The following LPP variants were observed in gnomAD, a reference collection of about 807,000 sequenced individuals.
The protein encoded by LPP is LIM domain containing preferred translocation partner in lipoma.
Under a neutral mutation model 60.4 loss-of-function variants are expected in LPP, and 38 were observed. The ratio of observed to expected loss-of-function variants is 0.63; its 90% CI spans 0.49 to 0.83. The LOEUF is 0.83. Among genes scored for constraint, LPP ranks in the 40% least tolerant of loss-of-function variants. The pLI is 0.00. For synonymous variants in LPP, 328 were observed against 290.8 expected, an observed-to-expected ratio of 1.13 and a Z score of -1.30; for missense variants, 902 against 783.6, an observed-to-expected ratio of 1.15 and a Z score of -1.80.
chr3:188,247,605 C>T (rs1727446031), intron 2 of LPP, among the ~76,000 whole-genome samples: 1 of 151,856 alleles, frequency 6.6e-6, no homozygotes, highest in African/African-American at 2.4e-5. Context: ...TCAAGACCAG[C>T]CTGGTCAACA....
At chr3:188,457,671 T>C (rs9834301) in intron 4 of LPP, among the ~76,000 whole-genome samples, 128,221 of 150,642 alleles carry the variant, frequency 0.85, 56,089 homozygotes, top group East Asian at 0.99. Flanking sequence ...GGGGAGCAGA[T>C]CACGAGGTCA....
intron 1 of LPP, among the ~76,000 whole-genome samples, chr3:188,203,660 T>C (rs200591368): frequency 7.1e-6 from 1 of 139,892 alleles, no homozygotes; most frequent in Non-Finnish European, 1.5e-5. Context: ...TTTCTCTTTT[T>C]TGTAGAGAGA....
chr3:188,389,336 C>T (rs1779125445), intron 3 of LPP, among the ~76,000 whole-genome samples: 1 of 152,128 alleles, frequency 6.6e-6, no homozygotes, highest in African/African-American at 2.4e-5. Flanking sequence ...TTCTCCTGTG[C>T]CTTTGTGCCC....
chr3:188,201,059 A>G (rs909301166), intron 1 of LPP, among the ~76,000 whole-genome samples: 5 of 152,196 alleles, frequency 3.3e-5, no homozygotes, highest in African/African-American at 1.2e-4. Context: ...TTTCCAGTTC[A>G]GTTTAATCTC....
intron 3 of LPP, among the ~76,000 whole-genome samples, chr3:188,371,798 G>C (rs1773333201): frequency 6.7e-6 from 1 of 149,560 alleles, no homozygotes; most frequent in Non-Finnish European, 1.5e-5. Flanking sequence ...GGGATTGCAG[G>C]TGTGCACCAC....
At chr3:188,772,477 T>C (rs937266657) in intron 9 of LPP, among the ~76,000 whole-genome samples, 11 of 151,712 alleles carry the variant, frequency 7.3e-5, no homozygotes, top group African/African-American at 2.2e-4. Context: ...TGCGGGGAGG[T>C]CACCCTTTTT....
At chr3:188,696,811 C>T (rs191018217) in intron 7 of LPP, among the ~76,000 whole-genome samples, 1 of 152,226 alleles carries the variant, frequency 6.6e-6, no homozygotes, top group Non-Finnish European at 1.5e-5. Flanking sequence ...CCTTCATATA[C>T]CTTGATTTCC....
chr3:188,592,299 TAA>T (rs955715930), intron 6 of LPP, among the ~76,000 whole-genome samples: 29 of 151,678 alleles, frequency 1.9e-4, no homozygotes, highest in African/African-American at 6.8e-4. Flanking sequence ...AAGCCACACA[TAA>T]AGAGGGTTCA....
At chr3:188,854,464 C>A (rs1301618741) in intron 9 of LPP, among the ~76,000 whole-genome samples, 1 of 152,210 alleles carries the variant, frequency 6.6e-6, no homozygotes, top group Non-Finnish European at 1.5e-5. Context: ...ACCGCACAGT[C>A]ACAGCCATGA....
intron 1 of LPP, among the ~76,000 whole-genome samples, chr3:188,166,385 A>C (rs1363974909): frequency 6.6e-6 from 1 of 152,180 alleles, no homozygotes; most frequent in Non-Finnish European, 1.5e-5. Flanking sequence ...TTGCCAATAA[A>C]TTAATGCTCA....
intron 3 of LPP, 141 bp from the exon 4 acceptor site, chr3:188,405,971 C>A: frequency 1.6e-6 from 1 of 634,374 alleles, no homozygotes; most frequent in Non-Finnish European, 2.7e-6. Context: ...ATTTTTCTTT[C>A]TTCCATTTTC....
chr3:188,158,553 A>G (rs981135906), intron 1 of LPP, among the ~76,000 whole-genome samples: 1 of 152,102 alleles, frequency 6.6e-6, no homozygotes, highest in Non-Finnish European at 1.5e-5. Flanking sequence ...GGAAGCAGGT[A>G]AACCACAGAG....
chr3:188,822,843 T>A (rs1243588738), intron 9 of LPP, among the ~76,000 whole-genome samples: 1 of 152,204 alleles, frequency 6.6e-6, no homozygotes, highest in Non-Finnish European at 1.5e-5. Flanking sequence ...GGGGACCATA[T>A]GTACAGGAAA....
intron 6 of LPP, among the ~76,000 whole-genome samples, chr3:188,541,616 G>A (rs1458995764): frequency 6.6e-6 from 1 of 151,992 alleles, no homozygotes; most frequent in Non-Finnish European, 1.5e-5. Context: ...GTAAATTTAT[G>A]TTTATTGATA....
At chr3:188,523,851 AT>A (rs982833968) in intron 5 of LPP, among the ~76,000 whole-genome samples, 1 of 152,032 alleles carries the variant, frequency 6.6e-6, no homozygotes, top group Non-Finnish European at 1.5e-5. Flanking sequence ...TTAAAAGGTT[AT>A]TTTTTTACTT....
intron 2 of LPP, among the ~76,000 whole-genome samples, chr3:188,252,034 A>ATG (rs1729832859): frequency 1.1e-4 from 1 of 9,156 alleles, no homozygotes; most frequent in African/African-American, 3.3e-4. Flanking sequence ...TAATCCTGAT[A>ATG]TATATATATA....
chr3:188,744,695 G>C (rs1725558800), intron 8 of LPP, among the ~76,000 whole-genome samples: 1 of 151,916 alleles, frequency 6.6e-6, no homozygotes, highest in Admixed American at 6.6e-5. Context: ...CAAACAACTG[G>C]CCTCCCAACC....
chr3:188,584,794 G>C (rs546460981), intron 6 of LPP, among the ~76,000 whole-genome samples: 1 of 151,118 alleles, frequency 6.6e-6, no homozygotes, highest in Admixed American at 6.6e-5. Flanking sequence ...TTACTTCGGA[G>C]CCCCAGATCT....
chr3:188,255,871 T>C (rs928839427), intron 2 of LPP, among the ~76,000 whole-genome samples: 4 of 152,192 alleles, frequency 2.6e-5, no homozygotes, highest in Non-Finnish European at 5.9e-5. Flanking sequence ...TCATTAACAT[T>C]GTAGGCAACT....
Sources: gnomAD v4.1 joint callset for allele counts (sites outside exome capture counted in the v4.1 genomes callset) on GRCh38, gnomAD v4.1.1 for gene constraint, MANE v1.5 for transcripts, NCBI Gene and HGNC (gene_info 2026-07-23, HGNC 2026-07-21) for gene names.